Variants in EXD3 observed in about 807,000 individuals in gnomAD.
The protein encoded by EXD3 is exonuclease mut-7 homolog.
Under a neutral mutation model 98.0 loss-of-function variants are expected in EXD3, and 92 were observed. The observed-to-expected ratio is 0.94, with a 90% CI of 0.79 to 1.12. The LOEUF is 1.12. Among genes scored for constraint, EXD3 ranks in the 50% most tolerant of loss-of-function variants. EXD3 has a pLI of 0.00. For missense variants in EXD3, 1,222 were observed against 1,191.6 expected, an observed-to-expected ratio of 1.03 and a Z score of -0.38; for synonymous variants, 569 against 526.0, an observed-to-expected ratio of 1.08 and a Z score of -1.12.
intron 1 of EXD3, among the ~76,000 whole-genome samples, chr9:137,396,946 G>C (rs1339826354): frequency 6.6e-6 from 1 of 152,244 alleles, no homozygotes; most frequent in South Asian, 2.1e-4. Flanking sequence ...GCTGGAGCCT[G>C]GGCTGGGCAC....
intron 2 of EXD3, among the ~76,000 whole-genome samples, chr9:137,384,384 G>A (rs550115623): frequency 2.0e-4 from 31 of 152,352 alleles, no homozygotes; most frequent in Non-Finnish European, 3.4e-4. Flanking sequence ...GAACCACGTG[G>A]CCCTTTCGGT....
At chr9:137,314,520 C>A (rs1287070078) in intron 19 of EXD3, among the ~76,000 whole-genome samples, 3 of 152,108 alleles carry the variant, frequency 2.0e-5, no homozygotes, top group Admixed American at 2.0e-4. Context: ...CGCTCAGTGA[C>A]CCCCGCCCTA....
chr9:137,376,034 A>G (rs1835881933), intron 3 of EXD3, among the ~76,000 whole-genome samples: 1 of 149,832 alleles, frequency 6.7e-6, no homozygotes, highest in Admixed American at 6.6e-5. Flanking sequence ...CCCACTTCTT[A>G]CTTATTTCTT....
chr9:137,398,687 C>A (rs1837335542), intron 1 of EXD3, among the ~76,000 whole-genome samples: 1 of 150,248 alleles, frequency 6.7e-6, no homozygotes, highest in African/African-American at 2.5e-5. Context: ...GACACACAGG[C>A]ACCCACGTCC....
At chr9:137,354,498 C>A in intron 9 of EXD3, 121 bp from the exon 10 acceptor site, 1 of 1,548,596 alleles carries the variant, frequency 6.5e-7, no homozygotes. Flanking sequence ...GGTGCTCACC[C>A]GCCCTGGTGC....
Position 137,347,442 on chromosome 9 carries a change from G to C in EXD3, c.1998+629C>G, listed in dbSNP as rs191470126. Among the ~76,000 whole-genome samples, 5 of 151,260 alleles carry C rather than the reference G, an allele frequency of 3.3e-5. No homozygotes were observed. Among genetic ancestry groups the C allele is most frequent in the African/African-American group, 1.2e-4 (5 of 40,930 alleles). On this transcript the variant is annotated intron_variant, in intron 17 of 21. Coordinates refer to ENST00000340951, the MANE Select transcript of EXD3 (RefSeq NM_017820.5). This position sits in a 1 kb window ranked among gnomAD's most constrained non-coding sequence, Gnocchi z 4.2. ...TCTCTGTCTTCTGTGTTCCATTCCT[G>C]CTTTTTTTCTTTTTTTTTTAAGATG... is the stretch of plus-strand genomic sequence containing the variant.
At chr9:137,404,083 C>T (rs1337961064) in intron 1 of EXD3, among the ~76,000 whole-genome samples, 2 of 152,138 alleles carry the variant, frequency 1.3e-5, no homozygotes, top group East Asian at 3.9e-4. Flanking sequence ...CCTCACGGGT[C>T]CCCCCATGTG....
intron 20 of EXD3, 125 bp from the exon 21 acceptor site, chr9:137,307,771 AC>A: frequency 3.9e-5 from 41 of 1,048,016 alleles, no homozygotes; most frequent in Non-Finnish European, 4.7e-5. Flanking sequence ...CTCTTCACAC[AC>A]CCCCCAGCCT....
At chr9:137,364,770 G>GTTT (rs34642939) in intron 7 of EXD3, among the ~76,000 whole-genome samples, 2,574 of 132,082 alleles carry the variant, frequency 0.019, 124 homozygotes, top group Admixed American at 0.036. Flanking sequence ...TTTGTTCTAT[G>GTTT]TTTTTTTTTT....
intron 1 of EXD3, among the ~76,000 whole-genome samples, chr9:137,409,841 T>G (rs1384762212): frequency 6.6e-6 from 1 of 152,234 alleles, no homozygotes; most frequent in African/African-American, 2.4e-5. Context: ...AGCTCCCTGA[T>G]GGGGCGACAC....
chr9:137,324,741 G>A lies in EXD3; in HGVS notation c.1999-598C>T, dbSNP rs926958974. On this transcript the variant is annotated intron_variant, in intron 17 of 21. Transcript: ENST00000340951. This position sits in a 1 kb window ranked among gnomAD's most constrained non-coding sequence, Gnocchi z 4.1. Reference sequence around the variant, plus strand: ...GGAGTCTCGCTCTTTCGCCCAGGCCGGAGTGCAGTGGCGCTGTCTTGGCTC... The same window carrying A: ...GGAGTCTCGCTCTTTCGCCCAGGCCAGAGTGCAGTGGCGCTGTCTTGGCTC... Among the ~76,000 whole-genome samples, 2 of 152,152 alleles carry A rather than the reference G, an allele frequency of 1.3e-5. No individual in the cohort carries two copies. Among genetic ancestry groups the A allele is most frequent in the African/African-American group, 2.4e-5 (1 of 41,432 alleles).
intron 17 of EXD3, among the ~76,000 whole-genome samples, chr9:137,346,628 C>G (rs1488579615): frequency 6.6e-6 from 1 of 151,938 alleles, no homozygotes; most frequent in African/African-American, 2.4e-5. Context: ...ACCTCTATTT[C>G]TGAACCTTCG....
At position 137,347,998 on chromosome 9, in the gene EXD3, C is replaced by G. The variant is rs980609664; in HGVS notation, c.1998+73G>C. On this transcript the variant is annotated intron_variant, in intron 17 of 21. Coordinates refer to ENST00000340951, the MANE Select transcript of EXD3 (RefSeq NM_017820.5). The surrounding 1 kb of genome is among the most constrained non-coding windows in gnomAD (Gnocchi z 4.2). ...ATGAGCTGGAGGGAGGAGTTTGATG[C>G]TAGGGGTGGGCACACCTGTGCTAGG... The G allele has an allele frequency of 1.3e-5, 19 of 1,484,570 alleles. No individual in the cohort carries two copies. The highest frequency in any genetic ancestry group is 1.7e-5 in the Non-Finnish European group (19 of 1,105,870). The allele number at this position is 1,484,570 out of a possible 1,614,324, so 92.0% of individuals were successfully genotyped here.
At chr9:137,379,840 G>A (rs1836137592) in intron 3 of EXD3, among the ~76,000 whole-genome samples, 1 of 151,906 alleles carries the variant, frequency 6.6e-6, no homozygotes, top group Admixed American at 6.6e-5. Context: ...CTTCAGTCCC[G>A]TAAACCTTCT....
chr9:137,325,519 G>A (rs913921275), intron 17 of EXD3, among the ~76,000 whole-genome samples: 6 of 151,878 alleles, frequency 4.0e-5, no homozygotes, highest in Non-Finnish European at 8.8e-5. Flanking sequence ...TGCAAGCTCT[G>A]CCTCCCGAGT....
Position 137,309,633 on chromosome 9 carries a change from CTG to C in EXD3, c.2250_2251del (p.Ser750ArgfsTer11), listed in dbSNP as rs1286794453. The C allele has an allele frequency of 3.8e-6, 6 of 1,562,974 alleles. No homozygotes were observed. The East Asian group carries it at 1.4e-4, about 37-fold the overall frequency. On this transcript the variant is annotated frameshift_variant, in exon 20 of 22. Transcript: ENST00000340951. LOFTEE classifies it high-confidence loss of function. ...TGAGCTCCTGGGCCCCTCCTGGTGA[CTG>C]CTGAGCCACATGAGCTGCTTCATCA...
intron 8 of EXD3, among the ~76,000 whole-genome samples, chr9:137,355,614 GGAGGAAGGGAGGAT>G (rs1834681776): frequency 2.6e-4 from 20 of 76,130 alleles, no homozygotes; most frequent in Admixed American, 1.3e-3. Context: ...AAAGGAGGAA[GGAGGAAGGGAGGAT>G]GGAGGAAGGA....
At chr9:137,333,950 C>T (rs1006994920) in intron 17 of EXD3, among the ~76,000 whole-genome samples, 1 of 151,922 alleles carries the variant, frequency 6.6e-6, no homozygotes, top group Non-Finnish European at 1.5e-5. Context: ...TCAAGTGATT[C>T]TCCTGCCTCA....
At chr9:137,360,463 CTTT>C (rs398113954) in intron 7 of EXD3, among the ~76,000 whole-genome samples, 2 of 59,382 alleles carry the variant, frequency 3.4e-5, no homozygotes, top group Admixed American at 2.3e-4. Context: ...TTTTCTTCTT[CTTT>C]TTTTTTTTTT....
Sources: allele counts gnomAD v4.1 joint callset (sites outside exome capture counted in the v4.1 genomes callset), GRCh38; gene constraint gnomAD v4.1.1; non-coding constraint Gnocchi (gnomAD v3.1); transcripts MANE v1.5; gene names NCBI Gene and HGNC (gene_info 2026-07-23, HGNC 2026-07-21).